STK32B: variants seen among roughly 807,000 people sequenced by gnomAD.
STK32B encodes serine/threonine-protein kinase 32B.
A neutral mutation model predicts 52.6 loss-of-function variants in STK32B; 43 were observed. The ratio of observed to expected loss-of-function variants is 0.82; its 90% CI spans 0.64 to 1.05. The LOEUF (loss-of-function observed/expected upper bound fraction) is 1.05, where lower values mean the gene tolerates loss of function less well. Ranked by LOEUF, STK32B falls within the 50% of genes least tolerant of loss-of-function variation. The pLI is 0.00. For missense variants in STK32B, 621 were observed against 534.6 expected (o/e 1.16, Z -1.59); for synonymous variants, 238 against 204.3 (o/e 1.17, Z -1.41).
intron 3 of STK32B, among the ~76,000 whole-genome samples, chr4:5,308,922 AT>A (rs1317817857): frequency 6.6e-6 from 1 of 152,118 alleles, no homozygotes; most frequent in African/African-American, 2.4e-5. Flanking sequence ...GAGAAAAAAA[AT>A]AAAGGGCATC....
At chr4:5,121,397 C>T (rs879499266) in intron 1 of STK32B, among the ~76,000 whole-genome samples, 2 of 152,080 alleles carry the variant, frequency 1.3e-5, no homozygotes, top group Non-Finnish European at 1.5e-5. Context: ...AGAATTTGGT[C>T]CCACAACGAC....
At chr4:5,446,803 A>G (rs1715490539) in intron 7 of STK32B, 27 bp downstream of exon 7, 1 of 1,610,480 alleles carries the variant, frequency 6.2e-7, no homozygotes, top group Non-Finnish European at 8.5e-7. Context: ...TGCGGTACAC[A>G]CGAGGGGCTG....
Position 5,481,011 on chromosome 4 carries a change from G to C in STK32B, c.1106+12941G>C, listed in dbSNP as rs56117815. Among the ~76,000 whole-genome samples the C allele has an allele frequency of 1.7e-3, 252 of 152,126 alleles. 2 individuals are homozygous for C. The South Asian group carries it at 0.023, about 14-fold the overall frequency. On this transcript the variant is annotated intron_variant, in intron 11 of 11. Coordinates refer to ENST00000282908, the MANE Select transcript of STK32B (RefSeq NM_018401.3). Reference sequence around the variant, plus strand: ...TGGACATTTGGCTTGGTTCCAAGTCGTTGCTATTGTGAACAGTGCCACAAT... The same window carrying C: ...TGGACATTTGGCTTGGTTCCAAGTCCTTGCTATTGTGAACAGTGCCACAAT...
chr4:5,032,305 C>A, the STK32B span, among the ~76,000 whole-genome samples: 1 of 151,444 alleles, frequency 6.6e-6, no homozygotes, highest in African/African-American at 2.4e-5. Flanking sequence ...GAAACCCCGT[C>A]TCTACTAAAA....
chr4:5,100,010 A>T (rs551315417), intron 1 of STK32B, among the ~76,000 whole-genome samples: 1 of 152,270 alleles, frequency 6.6e-6, no homozygotes, highest in South Asian at 2.1e-4. Flanking sequence ...TAAAAAAAAA[A>T]AAAACACTGA....
chr4:5,122,141 C>T (rs1381649588), intron 1 of STK32B, among the ~76,000 whole-genome samples: 1 of 152,196 alleles, frequency 6.6e-6, no homozygotes, highest in Non-Finnish European at 1.5e-5. Context: ...TTCACTCACA[C>T]ACTCATTCAC....
Position 5,196,581 on chromosome 4 carries a change from C to T in STK32B, c.260+28131C>T, listed in dbSNP as rs910926650. On this transcript the variant is annotated intron_variant, in intron 3 of 11. Transcript: ENST00000282908. ...TCTAAAAATACAAAAATTAGCTGGG[C>T]ATGGTGGCGCACGCCTATAATCCCA... 4.1e-4 allele frequency among the ~76,000 whole-genome samples: 63 copies of T among 151,900 alleles called. 1 individual carries two copies. Among genetic ancestry groups the T allele is most frequent in the African/African-American group, 1.4e-3 (60 of 41,450 alleles).
intron 4 of STK32B, among the ~76,000 whole-genome samples, chr4:5,376,093 C>T (rs1169390069): frequency 6.6e-6 from 1 of 152,182 alleles, no homozygotes; most frequent in Non-Finnish European, 1.5e-5. Context: ...GGTCCCCTCC[C>T]CTTCTAGGTC....
chr4:5,037,904 TG>T, the STK32B span, among the ~76,000 whole-genome samples: 1 of 152,102 alleles, frequency 6.6e-6, no homozygotes, highest in African/African-American at 2.4e-5. Context: ...AATGGGCACA[TG>T]TTTTTTGGGT....
intron 1 of STK32B, among the ~76,000 whole-genome samples, chr4:5,076,945 T>C (rs1712114561): frequency 6.6e-6 from 1 of 152,140 alleles, no homozygotes; most frequent in Non-Finnish European, 1.5e-5. Flanking sequence ...TTTAGGTCAC[T>C]GGGGGAAGAA....
intron 3 of STK32B, among the ~76,000 whole-genome samples, chr4:5,278,397 G>A (rs1727978589): frequency 1.3e-5 from 2 of 152,062 alleles, no homozygotes; most frequent in South Asian, 4.2e-4. Flanking sequence ...CGCATATGTG[G>A]GCGTAGGAGA....
At chr4:5,300,098 A>G (rs116243346) in intron 3 of STK32B, among the ~76,000 whole-genome samples, 1 of 152,218 alleles carries the variant, frequency 6.6e-6, no homozygotes, top group Non-Finnish European at 1.5e-5. Flanking sequence ...GCCATGATCA[A>G]GTAGGCTTTA....
chr4:5,253,967 A>G (rs1014715287), intron 3 of STK32B, among the ~76,000 whole-genome samples: 2 of 152,046 alleles, frequency 1.3e-5, no homozygotes, highest in African/African-American at 4.8e-5. Flanking sequence ...TTGTATTTTT[A>G]GTAGAGACAG....
At chr4:5,181,946 G>C (rs1444224728) in intron 3 of STK32B, among the ~76,000 whole-genome samples, 1 of 152,204 alleles carries the variant, frequency 6.6e-6, no homozygotes, top group African/African-American at 2.4e-5. Context: ...CATTTTACCT[G>C]TGGTAGAACT....
intron 11 of STK32B, among the ~76,000 whole-genome samples, chr4:5,484,816 T>G (rs1256284998): frequency 1.3e-5 from 2 of 152,200 alleles, no homozygotes; most frequent in East Asian, 3.8e-4. Context: ...TTTGCTTGTC[T>G]GTAAAGTATT....
At chr4:5,117,453 A>G (rs1048721765) in intron 1 of STK32B, among the ~76,000 whole-genome samples, 4 of 152,150 alleles carry the variant, frequency 2.6e-5, no homozygotes, top group Admixed American at 6.5e-5. Context: ...TCAACTCCAG[A>G]TGAGAAAAAG....
chr4:5,375,212 C>T (rs914841314), intron 4 of STK32B, among the ~76,000 whole-genome samples: 10 of 152,110 alleles, frequency 6.6e-5, no homozygotes, highest in Admixed American at 2.0e-4. Context: ...ACTCTGTCTG[C>T]TGCATCCACC....
chr4:5,487,217 T>C (rs953310754), intron 11 of STK32B, among the ~76,000 whole-genome samples: 1 of 152,086 alleles, frequency 6.6e-6, no homozygotes, highest in Non-Finnish European at 1.5e-5. Flanking sequence ...CACAGTAAAG[T>C]AACAAAAAGG....
intron 3 of STK32B, among the ~76,000 whole-genome samples, chr4:5,246,029 G>A (rs1725426282): frequency 6.6e-6 from 1 of 152,030 alleles, no homozygotes; most frequent in African/African-American, 2.4e-5. Flanking sequence ...TTCAACTTTG[G>A]TGAATCTGAC....
Sources: allele counts gnomAD v4.1 joint callset (sites outside exome capture counted in the v4.1 genomes callset), GRCh38; gene constraint gnomAD v4.1.1; transcripts MANE v1.5; gene names NCBI Gene and HGNC (gene_info 2026-07-23, HGNC 2026-07-21).